Variants in RC3H2 observed in about 807,000 individuals in gnomAD.
RC3H2 encodes ring finger and CCCH-type domains 2, also known as roquin-2.
Under a neutral mutation model 133.3 loss-of-function variants are expected in RC3H2, and 31 were observed. That is an observed-to-expected ratio of 0.23 (90% confidence interval 0.17 to 0.31). The LOEUF (loss-of-function observed/expected upper bound fraction) is 0.31. Ranked by LOEUF, RC3H2 falls within the 10% of genes least tolerant of loss-of-function variation. The pLI, the probability that RC3H2 is intolerant of heterozygous loss-of-function variation, is 1.00. For missense variants in RC3H2, 1,175 were observed against 1,437.2 expected, an observed-to-expected ratio of 0.82 and a Z score of 2.95; for synonymous variants, 517 against 502.2, an observed-to-expected ratio of 1.03 and a Z score of -0.40.
In RC3H2 at chr9:122,883,127, T is replaced by C. The variant is rs1831724912; in HGVS notation, c.759+77A>G. On this transcript the variant is annotated intron_variant, in intron 5 of 20. Transcript: ENST00000357244. ...AAGCATTCTGCATTGCTAGGGCCTC[T>C]AGACTGGGTAACATGAATTTCAGGA... 5.0e-6 allele frequency: 7 copies of C among 1,396,286 alleles called. No homozygotes were observed. In the Admixed American group the frequency reaches 1.2e-4, roughly 24 times the overall value. The allele number at this position is 1,396,286 out of a possible 1,614,324, so 86.5% of individuals were successfully genotyped here.
intron 9 of RC3H2, among the ~76,000 whole-genome samples, chr9:122,872,394 C>T (rs983130266): frequency 2.0e-5 from 3 of 152,186 alleles, no homozygotes; most frequent in African/African-American, 4.8e-5. Flanking sequence ...TGTCTCCATC[C>T]ATGCAGACAC....
rs979083036 is a variant in RC3H2, at chr9:122,853,253, G to A, written c.3117+699C>T. 4.0e-5 allele frequency among the ~76,000 whole-genome samples: 6 copies of A among 151,546 alleles called. No homozygotes were observed. In the East Asian group the frequency reaches 7.8e-4, roughly 20 times the overall value. On this transcript the variant is annotated intron_variant, in intron 18 of 20. Transcript: ENST00000357244. ...AGGGACACAAACGCTGCGGAAGGCCGCAGGGTCCTCTGCCTAGGAAAACCA... is the reference window on the plus strand; with the variant it reads ...AGGGACACAAACGCTGCGGAAGGCCACAGGGTCCTCTGCCTAGGAAAACCA...
At chr9:122,857,885 C>A (rs779374237) in intron 13 of RC3H2, 38 bp downstream of exon 13, 3 of 1,570,220 alleles carry the variant, frequency 1.9e-6, no homozygotes, top group Admixed American at 3.5e-5. Context: ...GCTGTTTGAC[C>A]TATCCCTGCA....
chr9:122,849,718 G>A lies in RC3H2; in HGVS notation c.3485C>T (p.Ala1162Val), dbSNP rs1405262468. The A allele has an allele frequency of 1.2e-6, 2 of 1,611,058 alleles. No individual in the cohort carries two copies. The highest frequency in any genetic ancestry group is 1.7e-6 in the Non-Finnish European group (2 of 1,178,668). ...SCLPITTSVS[A>V]GNLILKTHVM... ...ATGAGTTTTCAGAATGAGGTTGCCA[G>A]CACTGACAGATGTGGTGATGGGGAG... is the stretch of plus-strand genomic sequence containing the variant. Residue 1162 changes from alanine (A) to valine (V), a missense_variant, in exon 21 of 21, where the codon GCT becomes GTT. Around this residue, in one of 8 missense-constraint regions of RC3H2, gnomAD observed 220 missense variants for 201.1 expected, o/e 1.09. Transcript: ENST00000357244.
rs921148665 is a variant in RC3H2 at position 122,848,575 on chromosome 9, A to T, written c.*1052T>A. The T allele has an allele frequency of 1.3e-5, 2 of 152,204 alleles. No individual in the cohort carries two copies. Among genetic ancestry groups the T allele is most frequent in the Non-Finnish European group, 2.9e-5 (2 of 68,008 alleles). The allele number at this position is 152,204 out of a possible 1,614,324, so 9.4% of individuals were successfully genotyped here. On this transcript the variant is annotated 3_prime_UTR_variant, in exon 21 of 21. Transcript: ENST00000357244. ...CAACCTAACAGTCAAAAAACAAGAA[A>T]AACTAAACCCCAACATGAAGTAACA...
In RC3H2 at chr9:122,853,694, G is replaced by C. The variant is rs573334718; in HGVS notation, c.3117+258C>G. On this transcript the variant is annotated intron_variant, in intron 18 of 20. Transcript: ENST00000357244. ...TTGAACCTGAGAGCCAGAGGCTGCA[G>C]TGAGCCAAGATCGTGCCATTGCACT... The C allele has an allele frequency of 4.3e-5, 38 of 891,044 alleles. No homozygotes were observed. The Admixed American group carries it at 6.8e-4, about 16-fold the overall frequency. 55.2% of individuals were successfully genotyped at this position (891,044 alleles called of 1,614,324 possible).
chr9:122,901,981 G>A (rs1425565947), intron 1 of RC3H2, among the ~76,000 whole-genome samples: 2 of 144,660 alleles, frequency 1.4e-5, no homozygotes, highest in African/African-American at 5.2e-5. Context: ...CCAGGCTGTA[G>A]TGCAATGGCG....
intron 16 of RC3H2, 89 bp downstream of exon 16, chr9:122,854,442 C>A: frequency 8.3e-7 from 1 of 1,207,668 alleles, no homozygotes. Context: ...AAGCAAAGCA[C>A]ATTTCATGAA....
At chr9:122,853,410 T>C (rs1019986680) in intron 18 of RC3H2, among the ~76,000 whole-genome samples, 2 of 150,510 alleles carry the variant, frequency 1.3e-5, no homozygotes, top group African/African-American at 4.9e-5. Flanking sequence ...AAAATACTGA[T>C]TTTATACCTG....
chr9:122,872,161 G>T (rs1831130324), intron 9 of RC3H2, among the ~76,000 whole-genome samples: 1 of 152,204 alleles, frequency 6.6e-6, no homozygotes, highest in African/African-American at 2.4e-5. Flanking sequence ...CTGCCCTGAT[G>T]CATTTCCCAT....
intron 2 of RC3H2, among the ~76,000 whole-genome samples, chr9:122,894,305 G>A (rs748580573): frequency 1.7e-4 from 26 of 152,158 alleles, no homozygotes; most frequent in Admixed American, 5.9e-4. Flanking sequence ...TTATATTTAT[G>A]GAGTGCTTAC....
chr9:122,853,703 G>T, intron 18 of RC3H2: 1 of 976,338 alleles, frequency 1.0e-6, no homozygotes, highest in Non-Finnish European at 1.5e-6. Context: ...AGTGAGCCAA[G>T]ATCGTGCCAT....
At chr9:122,851,906 G>A (rs1830038335) in intron 18 of RC3H2, among the ~76,000 whole-genome samples, 1 of 152,164 alleles carries the variant, frequency 6.6e-6, no homozygotes, top group African/African-American at 2.4e-5. Context: ...TGCAGCCTCT[G>A]CCCGGCCGCC....
intron 9 of RC3H2, among the ~76,000 whole-genome samples, chr9:122,866,936 G>A (rs1206065002): frequency 2.0e-5 from 3 of 147,274 alleles, no homozygotes; most frequent in East Asian, 4.0e-4. Context: ...CTGCCCGGCC[G>A]CCATCCCATC....
Position 122,890,335 on chromosome 9 carries a change from C to T in RC3H2, c.560G>A (p.Arg187Gln), listed in dbSNP as rs1231060230. Residue 187 changes from arginine to glutamine, a missense_variant, in exon 4 of 21, where the codon CGA (arginine) becomes CAA (glutamine). Around this residue, in one of 8 missense-constraint regions of RC3H2, gnomAD observed 121 missense variants for 243.5 expected, o/e 0.50. Transcript: ENST00000357244. ...SANLWAAVRA[R>Q]GCQFLGPAMQ... Reference sequence around the variant, plus strand: ...ACCTGGCCCTAAAAACTGGCATCCTCGAGCCCTGACAGCGGCCCATAGATT... The same window carrying T: ...ACCTGGCCCTAAAAACTGGCATCCTTGAGCCCTGACAGCGGCCCATAGATT... 4 of 1,614,110 alleles carry T rather than the reference C, an allele frequency of 2.5e-6. No homozygotes were observed. The highest frequency in any genetic ancestry group is 2.5e-6 in the Non-Finnish European group (3 of 1,180,014).
At position 122,851,441 on chromosome 9, in the gene RC3H2, G is replaced by A; in HGVS notation, c.3118-5C>T. 1 of 1,613,304 alleles carries A rather than the reference G, an allele frequency of 6.2e-7. No individual in the cohort carries two copies. The highest frequency in any genetic ancestry group is 8.5e-7 in the Non-Finnish European group (1 of 1,179,666). On this transcript the variant is annotated splice_polypyrimidine_tract_variant and splice_region_variant and intron_variant, in intron 18 of 20. Transcript: ENST00000357244. ...TTCTGTATAATCACTCTGTAACTAA[G>A]AAAAATACTGATTTTGCTCTCCCTC...
chr9:122,858,033 A>G lies in RC3H2; in HGVS notation c.2344T>C (p.Trp782Arg), dbSNP rs1190994384. The change falls in exon 13 of 21, where the codon TGG becomes CGG. Residue 782 changes from tryptophan to arginine, a missense_variant. Around this residue, in one of 8 missense-constraint regions of RC3H2, gnomAD observed 490 missense variants for 492.8 expected, o/e 0.99. Transcript: ENST00000357244. Reference protein sequence around the residue: ...EEQIRRKPDQWAQYHTQKAPL... With the variant: ...EEQIRRKPDQRAQYHTQKAPL... ...GCTTTCTGAGTGTGGTACTGTGCCC[A>G]CTGATCTGGCTTTCTTCTTATCTGC... 6.2e-7 allele frequency: 1 copy of G among 1,614,258 alleles called. No homozygotes were observed. Among genetic ancestry groups the G allele is most frequent in the East Asian group, 2.2e-5 (1 of 44,886 alleles).
chr9:122,868,839 AT>A (rs1830895668), intron 9 of RC3H2, among the ~76,000 whole-genome samples: 1 of 118,964 alleles, frequency 8.4e-6, no homozygotes, highest in Admixed American at 9.6e-5. Flanking sequence ...TCCCTCCTAT[AT>A]GTGTGTGTGT....
chr9:122,849,528 T>A lies in RC3H2; in HGVS notation c.*99A>T. ...GGATGCCCCCAGTAATATCTTTTTT[T>A]TAAAAAAAATATACATTATATAATA... On this transcript the variant is annotated 3_prime_UTR_variant, in exon 21 of 21. Coordinates refer to ENST00000357244, the MANE Select transcript of RC3H2 (RefSeq NM_001100588.3). 1 of 433,656 alleles carries A rather than the reference T, an allele frequency of 2.3e-6. No individual in the cohort carries two copies. Among genetic ancestry groups the A allele is most frequent in the Non-Finnish European group, 3.4e-6 (1 of 291,022 alleles). 26.9% of individuals were successfully genotyped at this position (433,656 alleles called of 1,614,324 possible).
Sources: allele counts gnomAD v4.1 joint callset (sites outside exome capture counted in the v4.1 genomes callset), GRCh38; gene constraint gnomAD v4.1.1; regional missense constraint gnomAD v4.1.1; transcripts MANE v1.5; gene names NCBI Gene and HGNC (gene_info 2026-07-23, HGNC 2026-07-21).